Variants in LIFR observed in about 807,000 individuals in gnomAD.
LIFR encodes the protein LIF receptor subunit alpha, also known as leukemia inhibitory factor receptor.
Under a neutral mutation model 122.2 loss-of-function variants are expected in LIFR, and 84 were observed. The ratio of observed to expected loss-of-function variants is 0.69; its 90% confidence interval spans 0.58 to 0.82. LIFR has a LOEUF of 0.82. Ranked by LOEUF, LIFR falls within the 40% of genes least tolerant of loss-of-function variation. LIFR has a pLI of 0.00. For synonymous variants in LIFR, 422 were observed against 434.7 expected (o/e 0.97, Z 0.36); for missense variants, 1,294 against 1,311.6 (o/e 0.99, Z 0.21).
At chr5:38,495,139 T>G (rs1454949317) in intron 13 of LIFR, among the ~76,000 whole-genome samples, 1 of 152,148 alleles carries the variant, frequency 6.6e-6, no homozygotes, top group African/African-American at 2.4e-5. Context: ...GAATGAGGAT[T>G]TGTTCTGGGG....
rs547679759 is a variant in LIFR, at chr5:38,545,688, C to T, written c.-20+10646G>A. 2.6e-5 allele frequency among the ~76,000 whole-genome samples: 4 copies of T among 151,840 alleles called. No homozygotes were observed. In the South Asian group the frequency reaches 6.2e-4, roughly 24 times the overall value. On this transcript the variant is annotated intron_variant, in intron 1 of 19. Coordinates refer to ENST00000453190, the MANE Select transcript of LIFR (RefSeq NM_001127671.2). ...CCATCCTGGCTAACACAGTGAAACC[C>T]TGTGTCTACTAAAAATTCAAAAAAT...
In LIFR at chr5:38,489,107, T is replaced by C. The variant is rs771358284; in HGVS notation, c.2306A>G (p.Asp769Gly). The C allele has an allele frequency of 8.1e-6, 13 of 1,613,184 alleles. No homozygotes were observed. Among genetic ancestry groups the C allele is most frequent in the Non-Finnish European group, 1.0e-5 (12 of 1,179,338 alleles). Residue 769 changes from aspartate (D) to glycine (G), a missense_variant, in exon 16 of 20, where the codon GAC becomes GGC. By Grantham distance (94) the Asp-to-Gly change is moderately conservative (BLOSUM62 -1). Transcript: ENST00000453190. ...TTCTAAAACCCTCATCTTAGATGTG[T>C]CTCTTTCTCCTTTTCCAAAGTAAAA... The part of the protein sequence containing the change: ...YLFYFGKGER[D>G]TSKMRVLESG...
intron 1 of LIFR, among the ~76,000 whole-genome samples, chr5:38,583,057 G>T (rs1433959436): frequency 6.6e-6 from 1 of 152,212 alleles, no homozygotes; most frequent in Non-Finnish European, 1.5e-5. Flanking sequence ...TTGAGAACAG[G>T]CACTGCAGTA....
Position 38,481,451 on chromosome 5 carries a change from A to T in LIFR, c.*144T>A. ...TAGACTACATTAAAAGCACATGAAC[A>T]CTTTCAGTGTAACTTAACATGTAGT... On this transcript the variant is annotated 3_prime_UTR_variant, in exon 20 of 20. Transcript: ENST00000453190. 1.1e-6 allele frequency: 1 copy of T among 918,584 alleles called. No homozygotes were observed. The highest frequency in any genetic ancestry group is 1.6e-5 in the African/African-American group (1 of 61,146). 56.9% of individuals were successfully genotyped at this position (918,584 alleles called of 1,614,324 possible).
At position 38,528,789 on chromosome 5, in the gene LIFR, C is replaced by CAGTTCCACACTTGCAAATTGTT. The variant is rs1561179805; in HGVS notation, c.172_193dup (p.Cys65Ter). 3 of 1,595,554 alleles carry CAGTTCCACACTTGCAAATTGTT rather than the reference C, an allele frequency of 1.9e-6. No homozygotes were observed. The highest frequency in any genetic ancestry group is 2.6e-6 in the Non-Finnish European group (3 of 1,169,564). On this transcript the variant is annotated stop_gained and frameshift_variant, in exon 3 of 20. Transcript: ENST00000453190. LOFTEE classifies it high-confidence loss of function. ...TGTTCCAGAGGGTGCTTTCCAAGAACAGTTCCACACTTGCAAATTGTTAGT... is the reference window on the plus strand; with the variant it reads ...TGTTCCAGAGGGTGCTTTCCAAGAACAGTTCCACACTTGCAAATTGTTAGTTCCACACTTGCAAATTGTTAGT...
chr5:38,482,654 A>T lies in LIFR; in HGVS notation c.2605T>A (p.Phe869Ile). ...YRKREWIKET[F>I]YPDIPNPENC... is the part of the protein sequence containing the mutation. ...TCTGGATTTGGAATATCAGGGTAGAAGGTTTCTTTAATCCTTTAAATAAAA... is the reference window on the plus strand; with the variant it reads ...TCTGGATTTGGAATATCAGGGTAGATGGTTTCTTTAATCCTTTAAATAAAA... Residue 869 changes from phenylalanine to isoleucine, a missense_variant, in exon 19 of 20, where the codon TTC (phenylalanine) becomes ATC (isoleucine). Coordinates refer to ENST00000453190, the MANE Select transcript of LIFR (RefSeq NM_001127671.2). 7.0e-7 allele frequency: 1 copy of T among 1,432,108 alleles called. No individual in the cohort carries two copies. Among genetic ancestry groups the T allele is most frequent in the Non-Finnish European group, 9.6e-7 (1 of 1,045,644 alleles). 88.7% of individuals were successfully genotyped at this position (1,432,108 alleles called of 1,614,324 possible).
chr5:38,563,410 G>T (rs1748903854), intron 1 of LIFR, among the ~76,000 whole-genome samples: 1 of 152,072 alleles, frequency 6.6e-6, no homozygotes, highest in African/African-American at 2.4e-5. Context: ...AATATTAATT[G>T]GTTATTAACA....
At chr5:38,492,431 C>T (rs945890472) in intron 14 of LIFR, among the ~76,000 whole-genome samples, 3 of 152,042 alleles carry the variant, frequency 2.0e-5, no homozygotes, top group African/African-American at 7.2e-5. Context: ...AGACTGGAAT[C>T]GTGTAAGGCT....
chr5:38,490,962 A>G (rs1419312140), intron 14 of LIFR, among the ~76,000 whole-genome samples: 3 of 152,264 alleles, frequency 2.0e-5, no homozygotes, highest in Non-Finnish European at 4.4e-5. Flanking sequence ...TCATGCCTCT[A>G]TAAATCCCTT....
intron 1 of LIFR, among the ~76,000 whole-genome samples, chr5:38,594,694 A>T (rs920288283): frequency 6.6e-6 from 1 of 152,166 alleles, no homozygotes; most frequent in African/African-American, 2.4e-5. Flanking sequence ...ATTTTCAGGC[A>T]CTCTAAAAGT....
At position 38,478,125 on chromosome 5, in the gene LIFR, C is replaced by A. The variant is rs886467983; in HGVS notation, c.*3470G>T. 28 of 207,706 alleles carry A rather than the reference C, an allele frequency of 1.3e-4. No individual in the cohort carries two copies. The highest frequency in any genetic ancestry group is 2.4e-4 in the Non-Finnish European group (24 of 101,992). The allele number at this position is 207,706 out of a possible 1,614,324, so 12.9% of individuals were successfully genotyped here. A position where few individuals can be genotyped will look rare whatever the true frequency, so the allele number is the denominator to read the frequency against. ...TCCTTCACTAAATTACAAATAATTACCCAAATATAAAAAGGACTTGCAATG... is the reference window on the plus strand; with the variant it reads ...TCCTTCACTAAATTACAAATAATTAACCAAATATAAAAAGGACTTGCAATG... On this transcript the variant is annotated 3_prime_UTR_variant, in exon 20 of 20. Coordinates refer to ENST00000453190, the MANE Select transcript of LIFR (RefSeq NM_001127671.2).
At chr5:38,527,630 G>C (rs950654175) in intron 3 of LIFR, among the ~76,000 whole-genome samples, 1 of 152,104 alleles carries the variant, frequency 6.6e-6, no homozygotes, top group Non-Finnish European at 1.5e-5. Flanking sequence ...TGAGGGACCA[G>C]TGCATCACAG....
chr5:38,592,913 G>C (rs114556953), intron 1 of LIFR, among the ~76,000 whole-genome samples: 26 of 151,822 alleles, frequency 1.7e-4, no homozygotes, highest in Non-Finnish European at 3.5e-4. Context: ...AAGAATCAAG[G>C]AGAAGGAGCA....
At chr5:38,523,354 G>T in intron 5 of LIFR, 65 bp downstream of exon 5, 1 of 1,363,482 alleles carries the variant, frequency 7.3e-7, no homozygotes, top group Non-Finnish European at 1.0e-6. Context: ...CCACCTTAAG[G>T]CTTCTTAAAA....
chr5:38,599,762 C>T (rs374764661), upstream of LIFR, among the ~76,000 whole-genome samples: 1 of 152,102 alleles, frequency 6.6e-6, no homozygotes, highest in Non-Finnish European at 1.5e-5. Context: ...ATTAATTAAA[C>T]CTTTTCCCTC....
intron 1 of LIFR, among the ~76,000 whole-genome samples, chr5:38,571,820 A>G (rs2112717465): frequency 6.6e-6 from 1 of 152,340 alleles, no homozygotes; most frequent in Admixed American, 6.5e-5. Flanking sequence ...TAGCATGCTA[A>G]TATGCATCAT....
Position 38,584,246 on chromosome 5 carries a change from G to A in LIFR, c.-20+11015C>T, listed in dbSNP as rs113974656. Reference sequence around the variant, plus strand: ...AAAAGAGAATGCTTGTACAATGTTGGTGGGAATTTAGATTGATACAGCCAT... The same window carrying A: ...AAAAGAGAATGCTTGTACAATGTTGATGGGAATTTAGATTGATACAGCCAT... On this transcript the variant is annotated intron_variant, in intron 1 of 19. Transcript: ENST00000263409. Among the ~76,000 whole-genome samples the A allele has an allele frequency of 6.1e-3, 923 of 152,250 alleles. 15 individuals are homozygous for A. Among genetic ancestry groups the A allele is most frequent in the East Asian group, 0.041 (210 of 5,162 alleles).
Position 38,493,212 on chromosome 5 carries a change from G to GT in LIFR, c.2065+393dup, listed in dbSNP as rs60517465. On this transcript the variant is annotated intron_variant, in intron 14 of 19. Coordinates refer to ENST00000453190, the MANE Select transcript of LIFR (RefSeq NM_001127671.2). ...TGTGAGACCAGGCTACAGTTCCGTA[G>GT]TTTTTTTTTTTCATGAACATTTATT... Among the ~76,000 whole-genome samples the GT allele has an allele frequency of 0.013, 1,885 of 147,362 alleles. 181 individuals carry two copies. In the East Asian group the frequency reaches 0.25, roughly 20 times the overall value.
chr5:38,506,644 A>G lies in LIFR; in HGVS notation c.992-12T>C. 1 of 1,608,048 alleles carries G rather than the reference A, an allele frequency of 6.2e-7. No homozygotes were observed. The highest frequency in any genetic ancestry group is 8.5e-7 in the Non-Finnish European group (1 of 1,174,660). The stretch of plus-strand genomic sequence containing the variant: ...AGTATCTGGTGGATCTAACAGAAAA[A>G]AAATGCAGGTACTTATGATTACATA... On this transcript the variant is annotated splice_polypyrimidine_tract_variant and intron_variant, in intron 7 of 19. Coordinates refer to ENST00000453190, the MANE Select transcript of LIFR (RefSeq NM_001127671.2).
Sources: allele counts gnomAD v4.1 joint callset (sites outside exome capture counted in the v4.1 genomes callset), GRCh38; gene constraint gnomAD v4.1.1; transcripts MANE v1.5; gene names NCBI Gene and HGNC (gene_info 2026-07-23, HGNC 2026-07-21).